The following DDHD2 variants were observed in gnomAD, a reference collection of about 807,000 sequenced individuals.
The protein encoded by DDHD2 is triacylglycerol hydrolase DDHD2.
A neutral mutation model predicts 91.2 loss-of-function variants in DDHD2; 62 were observed. That is an observed-to-expected ratio of 0.68 (90% CI 0.55 to 0.84). The LOEUF is 0.84. Ranked by LOEUF, DDHD2 falls within the 40% of genes least tolerant of loss-of-function variation. DDHD2 has a pLI of 0.00. For missense variants in DDHD2, 740 were observed against 846.9 expected, an observed-to-expected ratio of 0.87 and a Z score of 1.57; for synonymous variants, 271 against 293.9, an observed-to-expected ratio of 0.92 and a Z score of 0.80.
chr8:38,253,211 T>G (rs867089585), intron 15 of DDHD2, 84 bp downstream of exon 15: 3 of 1,321,118 alleles, frequency 2.3e-6, no homozygotes, highest in Middle Eastern at 2.0e-4. Context: ...TTTAATTTAA[T>G]TTCACATTTA....
rs137874590 is a variant in DDHD2, at chr8:38,251,953, C to T, written c.1386C>T (p.Asn462=). The change falls in exon 12 of 18, where the codon AAC becomes AAT. Residue 462 remains asparagine (N), a synonymous_variant. Coordinates refer to ENST00000397166, the MANE Select transcript of DDHD2 (RefSeq NM_015214.3). ...RPAPQPASGA[N]IPKESEFCSS... is the part of the protein sequence containing the mutation. ...CCCCGCAGCCTGCTTCAGGGGCAAA[C>T]ATCCCCAAAGAATCTGAGTTCTGCA... The T allele has an allele frequency of 6.0e-5, 97 of 1,614,042 alleles. No homozygotes were observed. Among genetic ancestry groups the T allele is most frequent in the Non-Finnish European group, 8.0e-5 (94 of 1,180,004 alleles).
rs1360536069 is a variant in DDHD2, at chr8:38,242,291, C to CA, written c.755dup (p.His252GlnfsTer3). 6.2e-7 allele frequency: 1 copy of CA among 1,604,234 alleles called. No individual in the cohort carries two copies. Among genetic ancestry groups the CA allele is most frequent in the Non-Finnish European group, 8.5e-7 (1 of 1,177,532 alleles). On this transcript the variant is annotated frameshift_variant, in exon 7 of 18. Transcript: ENST00000397166. LOFTEE classifies it high-confidence loss of function. ...TGTTTCCTTGAACTTGCTACAGACA[C>CA]ATTTTAAGAAAGCCCAAGAAAATCA...
chr8:38,234,470 T>A lies in DDHD2; in HGVS notation c.297T>A (p.Tyr99Ter), dbSNP rs775119570. ...TTCATTTGGGGGAGAGGATGCGGTA[T>A]GCTGTATACTGGGATGAACTGGCAT... is the stretch of plus-strand genomic sequence containing the variant. ...YDVHLGERMR[Y>*]AVYWDELASE... is the part of the protein sequence containing the mutation. Residue 99 changes from tyrosine (Y) to a stop codon, truncating the protein, a stop_gained, in exon 3 of 18, where the codon TAT becomes TAA. Transcript: ENST00000397166. LOFTEE classifies it high-confidence loss of function. 1.2e-6 allele frequency: 2 copies of A among 1,612,818 alleles called. No homozygotes were observed. The highest frequency in any genetic ancestry group is 4.5e-5 in the East Asian group (2 of 44,784).
At chr8:38,266,177 G>C (rs1807552041), downstream of DDHD2, 1 of 1,614,130 alleles carries the variant, frequency 6.2e-7, no homozygotes, top group Non-Finnish European at 8.5e-7. Flanking sequence ...GTGCGGGACA[G>C]TGCAATCACA....
rs554842749 is a variant in DDHD2, at chr8:38,243,882, G to A, written c.848+1497G>A. Among the ~76,000 whole-genome samples the A allele has an allele frequency of 7.3e-5, 11 of 149,720 alleles. No individual in the cohort carries two copies. In the East Asian group the frequency reaches 1.2e-3, roughly 16 times the overall value. ...TGCAGTGGCGTGATCTCAGCTCACC[G>A]CAACCTCCGACTCCCGGGTTCAAGC... is the stretch of plus-strand genomic sequence containing the variant. On this transcript the variant is annotated intron_variant, in intron 7 of 17. Transcript: ENST00000397166.
downstream of DDHD2, chr8:38,272,687 C>T (rs1395732591): frequency 6.6e-6 from 1 of 152,236 alleles, no homozygotes; most frequent in African/African-American, 2.4e-5. Context: ...ACCATTAGCC[C>T]ATGCTGCTTT....
At position 38,261,323 on chromosome 8, in the gene DDHD2, C is replaced by T. The variant is rs1807007893; in HGVS notation, c.*750C>T. On this transcript the variant is annotated 3_prime_UTR_variant, in exon 18 of 18. Transcript: ENST00000397166. ...CAAAGATGTTGTATATCCTAGGCCT[C>T]CCTTTTATATTTGATAGAAGTTATT... is the stretch of plus-strand genomic sequence containing the variant. 1 of 152,126 alleles carries T rather than the reference C, an allele frequency of 6.6e-6. No individual in the cohort carries two copies. Among genetic ancestry groups the T allele is most frequent in the Non-Finnish European group, 1.5e-5 (1 of 68,022 alleles). The allele number at this position is 152,126 out of a possible 1,614,324, so 9.4% of individuals were successfully genotyped here.
intron 6 of DDHD2, among the ~76,000 whole-genome samples, chr8:38,241,221 A>G (rs1805230289): frequency 6.6e-6 from 1 of 152,116 alleles, no homozygotes; most frequent in African/African-American, 2.4e-5. Flanking sequence ...TGAATTTCAA[A>G]CAACAGTGTA....
In DDHD2 at chr8:38,233,095, G is replaced by T. The variant is rs1386891750; in HGVS notation, c.101G>T (p.Gly34Val). ...SSFELIDMDAGSLYEPVSPHW... is the reference protein window; with the variant it reads ...SSFELIDMDAVSLYEPVSPHW... ...TTTGAGCTAATAGACATGGATGCTGGCAGCTTGTATGAACCAGTTTCTCCC... is the reference window on the plus strand; with the variant it reads ...TTTGAGCTAATAGACATGGATGCTGTCAGCTTGTATGAACCAGTTTCTCCC... Residue 34 changes from glycine (G) to valine (V), a missense_variant, in exon 2 of 18, where the codon GGC (glycine) becomes GTC (valine). Gly to Val is a moderately radical substitution (Grantham distance 109). Transcript: ENST00000397166. The T allele has an allele frequency of 6.2e-7, 1 of 1,613,994 alleles. No homozygotes were observed. The highest frequency in any genetic ancestry group is 8.5e-7 in the Non-Finnish European group (1 of 1,180,000).
At chr8:38,267,272 G>GA (rs1441205765), downstream of DDHD2, 17 of 1,613,872 alleles carry the variant, frequency 1.1e-5, no homozygotes, top group Non-Finnish European at 1.4e-5. Context: ...CATACAGGAA[G>GA]AATGTCCACT....
chr8:38,268,046 T>G (rs765840933), intron 1 of DDHD2: 16 of 1,599,638 alleles, frequency 1.0e-5, no homozygotes, highest in Non-Finnish European at 1.3e-5. Flanking sequence ...CCGTGCTGTT[T>G]CTGAGATGGA....
At chr8:38,235,264 G>T (rs1804622494) in intron 3 of DDHD2, among the ~76,000 whole-genome samples, 1 of 151,888 alleles carries the variant, frequency 6.6e-6, no homozygotes, top group African/African-American at 2.4e-5. Flanking sequence ...TTAGAGATGG[G>T]GTTTCACCAT....
At chr8:38,249,863 T>C in intron 11 of DDHD2, 60 bp downstream of exon 11, 1 of 1,187,278 alleles carries the variant, frequency 8.4e-7, no homozygotes, top group East Asian at 2.5e-5. Flanking sequence ...AGTGTGTCCT[T>C]GTGCTTTGTG....
Position 38,253,061 on chromosome 8 carries a change from T to G in DDHD2, c.1825T>G (p.Leu609Val). ...TTTTACCAGAGCTCCATACCCTGCC[T>G]TACAAGCTTCAGAAACACCAGAAGA... ...KSFTRAPYPA[L>V]QASETPEETE... Residue 609 changes from leucine (L) to valine (V), a missense_variant, in exon 15 of 18, where the codon TTA becomes GTA. Coordinates refer to ENST00000397166, the MANE Select transcript of DDHD2 (RefSeq NM_015214.3). 1 of 1,614,170 alleles carries G rather than the reference T, an allele frequency of 6.2e-7. No homozygotes were observed. Among genetic ancestry groups the G allele is most frequent in the Non-Finnish European group, 8.5e-7 (1 of 1,180,034 alleles).
intron 1 of DDHD2, chr8:38,270,482 CTTGA>C (rs557646701): frequency 1.2e-3 from 182 of 152,266 alleles, no homozygotes; most frequent in African/African-American, 4.1e-3. Flanking sequence ...CATTTAGCAT[CTTGA>C]TTATTAGTGG....
intron 17 of DDHD2, 24 bp downstream of exon 17, chr8:38,260,171 A>C (rs1355022942): frequency 7.9e-7 from 1 of 1,260,280 alleles, no homozygotes; most frequent in Admixed American, 1.7e-5. Context: ...TGTCATATAT[A>C]TAGTGTAATT....
At chr8:38,236,640 C>T (rs1420947661) in intron 3 of DDHD2, among the ~76,000 whole-genome samples, 2 of 152,068 alleles carry the variant, frequency 1.3e-5, no homozygotes, top group Non-Finnish European at 2.9e-5. Context: ...CTCAGCCTCC[C>T]GAGTAGCTGG....
intron 1 of DDHD2, chr8:38,268,073 C>T: frequency 1.4e-5 from 22 of 1,541,612 alleles, no homozygotes; most frequent in Non-Finnish European, 1.9e-5. Context: ...CCAACCAGGC[C>T]TGGGCACAAA....
At chr8:38,252,350 G>A (rs941147794) in intron 13 of DDHD2, 63 bp downstream of exon 13, 149 of 1,524,492 alleles carry the variant, frequency 9.8e-5, no homozygotes, top group Non-Finnish European at 1.2e-4. Context: ...AAAGAACATA[G>A]GATTTTCTGT....
Sources: gnomAD v4.1 joint callset for allele counts (sites outside exome capture counted in the v4.1 genomes callset) on GRCh38, gnomAD v4.1.1 for gene constraint, MANE v1.5 for transcripts, NCBI Gene and HGNC (gene_info 2026-07-23, HGNC 2026-07-21) for gene names.